The following PPM1L variants were observed in gnomAD, a reference collection of about 807,000 sequenced individuals.
PPM1L encodes protein phosphatase, Mg2+/Mn2+ dependent 1L.
Under a neutral mutation model 31.4 loss-of-function variants are expected in PPM1L, and 13 were observed. That is an observed-to-expected ratio of 0.41 (90% CI 0.27 to 0.66). The LOEUF (loss-of-function observed/expected upper bound fraction) is 0.66, where lower values mean the gene tolerates loss of function less well. PPM1L is among the 30% of genes least tolerant of loss of function. PPM1L has a pLI of 0.29. For synonymous variants in PPM1L, 184 were observed against 175.4 expected, an observed-to-expected ratio of 1.05 and a Z score of -0.39; for missense variants, 326 against 453.7, an observed-to-expected ratio of 0.72 and a Z score of 2.56.
intron 1 of PPM1L, among the ~76,000 whole-genome samples, chr3:160,916,560 G>T (rs182981981): frequency 6.6e-6 from 1 of 152,208 alleles, no homozygotes; most frequent in Admixed American, 6.5e-5. Flanking sequence ...TCTTCAACGT[G>T]CATGATCTCA....
At chr3:160,801,257 T>C (rs968310495) in intron 1 of PPM1L, among the ~76,000 whole-genome samples, 18 of 152,086 alleles carry the variant, frequency 1.2e-4, no homozygotes, top group African/African-American at 3.6e-4. Context: ...TTCCAAACAT[T>C]GGTGATTTTT....
intron 2 of PPM1L, among the ~76,000 whole-genome samples, chr3:160,980,453 G>T (rs777089616): frequency 6.6e-6 from 1 of 151,876 alleles, no homozygotes; most frequent in Non-Finnish European, 1.5e-5. Context: ...TAGGACGGGG[G>T]ATTGCTTGAG....
chr3:160,877,562 T>C (rs1396534883), intron 1 of PPM1L, among the ~76,000 whole-genome samples: 22 of 151,876 alleles, frequency 1.4e-4, no homozygotes, highest in Admixed American at 1.4e-3. Flanking sequence ...AAATAGAGTA[T>C]GCGGACACAT....
chr3:160,774,176 C>T (rs536943461), intron 1 of PPM1L, among the ~76,000 whole-genome samples: 2 of 152,292 alleles, frequency 1.3e-5, no homozygotes, highest in African/African-American at 2.4e-5. Flanking sequence ...GTCTTTTCTT[C>T]TCATGGTCGT....
At chr3:161,030,325 C>T (rs984999711) in intron 2 of PPM1L, among the ~76,000 whole-genome samples, 1 of 151,926 alleles carries the variant, frequency 6.6e-6, no homozygotes, top group Non-Finnish European at 1.5e-5. Context: ...TCTTCCCCCA[C>T]TTTTTTTTGT....
intron 2 of PPM1L, among the ~76,000 whole-genome samples, chr3:160,964,936 A>G (rs918293435): frequency 6.6e-6 from 1 of 152,138 alleles, no homozygotes; most frequent in Non-Finnish European, 1.5e-5. Flanking sequence ...ATATAATAAT[A>G]CAAAAGAATT....
chr3:161,054,986 A>C (rs1392143958), intron 2 of PPM1L, among the ~76,000 whole-genome samples: 2 of 152,212 alleles, frequency 1.3e-5, no homozygotes, highest in Non-Finnish European at 2.9e-5. Context: ...AATCGTAATT[A>C]GTATTAATTT....
chr3:160,899,886 A>G (rs1223203730), intron 1 of PPM1L, among the ~76,000 whole-genome samples: 1 of 152,176 alleles, frequency 6.6e-6, no homozygotes, highest in Non-Finnish European at 1.5e-5. Flanking sequence ...AAACTTGTTT[A>G]TTAGATTATT....
chr3:161,065,580 C>T lies in PPM1L; in HGVS notation c.736+16C>T, dbSNP rs1208880624. 19 of 1,608,490 alleles carry T rather than the reference C, an allele frequency of 1.2e-5. No homozygotes were observed. The East Asian group carries it at 4.2e-4, about 36-fold the overall frequency. On this transcript the variant is annotated intron_variant, in intron 3 of 3. Transcript: ENST00000498165. Reference sequence around the variant, plus strand: ...AAGAGAGCAGGTGAGCTTGTGAACACCTCCAAGAAATGTCTGCTGTCTTGC... The same window carrying T: ...AAGAGAGCAGGTGAGCTTGTGAACATCTCCAAGAAATGTCTGCTGTCTTGC...
chr3:161,025,223 T>G (rs1448198699), intron 2 of PPM1L, among the ~76,000 whole-genome samples: 1 of 152,040 alleles, frequency 6.6e-6, no homozygotes, highest in Non-Finnish European at 1.5e-5. Context: ...AAGAGGTGAT[T>G]AGGCCATGAG....
At chr3:160,803,188 C>T (rs1032143601) in intron 1 of PPM1L, among the ~76,000 whole-genome samples, 1 of 152,228 alleles carries the variant, frequency 6.6e-6, no homozygotes, top group African/African-American at 2.4e-5. Flanking sequence ...TCTCCCCTCC[C>T]CCGAAAGTAG....
chr3:160,816,478 GTT>G (rs5853903), intron 1 of PPM1L, among the ~76,000 whole-genome samples: 151 of 145,736 alleles, frequency 1.0e-3, no homozygotes, highest in South Asian at 2.6e-3. Flanking sequence ...GACAGAGTCT[GTT>G]TTTTTTTTTT....
chr3:160,940,382 T>A (rs1007601261), intron 1 of PPM1L, among the ~76,000 whole-genome samples: 8 of 152,174 alleles, frequency 5.3e-5, no homozygotes, highest in African/African-American at 1.9e-4. Flanking sequence ...GGAAAATGTC[T>A]CTAGACCATG....
chr3:161,059,986 C>CT (rs962113972), intron 2 of PPM1L, among the ~76,000 whole-genome samples: 32 of 152,112 alleles, frequency 2.1e-4, no homozygotes, highest in Non-Finnish European at 4.7e-4. Context: ...AATTAAACCT[C>CT]TTTTCTGTAT....
intron 2 of PPM1L, among the ~76,000 whole-genome samples, chr3:161,032,911 A>G (rs543367782): frequency 2.5e-4 from 32 of 126,882 alleles, no homozygotes; most frequent in African/African-American, 9.8e-4. Context: ...GGGTTTCACC[A>G]TGTTGGTCAG....
In PPM1L at chr3:160,938,952, G is replaced by A. The variant is rs560687127; in HGVS notation, c.400-22784G>A. Among the ~76,000 whole-genome samples, 26 of 152,260 alleles carry A rather than the reference G, an allele frequency of 1.7e-4. No individual in the cohort carries two copies. In the South Asian group the frequency reaches 2.1e-3, roughly 12 times the overall value. On this transcript the variant is annotated intron_variant, in intron 1 of 3. Coordinates refer to ENST00000498165, the MANE Select transcript of PPM1L (RefSeq NM_139245.4). Reference sequence around the variant, plus strand: ...TTTTGAAACAGGTGAGTTGTGGGGCGCAACTGTTATTAGAGCAGCTCCAAG... The same window carrying A: ...TTTTGAAACAGGTGAGTTGTGGGGCACAACTGTTATTAGAGCAGCTCCAAG...
intron 2 of PPM1L, among the ~76,000 whole-genome samples, chr3:160,977,158 A>G (rs1716617459): frequency 1.3e-5 from 2 of 152,012 alleles, no homozygotes; most frequent in Admixed American, 1.3e-4. Flanking sequence ...GCCCAGAGGA[A>G]TTATCTTTGT....
rs140256217 is a variant in PPM1L at position 160,963,151 on chromosome 3, C to G, written c.574+1241C>G. On this transcript the variant is annotated intron_variant, in intron 2 of 3. Transcript: ENST00000498165. ...TAAATATTCATAGCATCTTATAGATCATAGAACTCATATAGTCCGCCCACT... is the reference window on the plus strand; with the variant it reads ...TAAATATTCATAGCATCTTATAGATGATAGAACTCATATAGTCCGCCCACT... Among the ~76,000 whole-genome samples, 1,288 of 152,078 alleles carry G rather than the reference C, an allele frequency of 8.5e-3. 21 individuals carry two copies. Among genetic ancestry groups the G allele is most frequent in the African/African-American group, 0.03 (1,250 of 41,510 alleles).
chr3:161,046,507 G>A (rs1159027717), intron 2 of PPM1L, among the ~76,000 whole-genome samples: 1 of 152,016 alleles, frequency 6.6e-6, no homozygotes, highest in Non-Finnish European at 1.5e-5. Flanking sequence ...TTCTACCAGA[G>A]GTACAAGGAG....
Sources: allele counts gnomAD v4.1 joint callset (sites outside exome capture counted in the v4.1 genomes callset), GRCh38; gene constraint gnomAD v4.1.1; transcripts MANE v1.5; gene names NCBI Gene and HGNC (gene_info 2026-07-23, HGNC 2026-07-21).